The following UBE2F variants were observed in gnomAD, a reference collection of about 807,000 sequenced individuals.
The protein encoded by UBE2F is NEDD8-conjugating enzyme UBE2F.
Under a neutral mutation model 29.6 loss-of-function variants are expected in UBE2F, and 5 were observed. The observed-to-expected ratio is 0.17, with a 90% CI of 0.09 to 0.36. The LOEUF is 0.36. Ranked by LOEUF, UBE2F falls within the 10% of genes least tolerant of loss-of-function variation. UBE2F has a pLI of 1.00. For missense variants in UBE2F, 141 were observed against 228.5 expected, an observed-to-expected ratio of 0.62 and a Z score of 2.47; for synonymous variants, 66 against 81.8, an observed-to-expected ratio of 0.81 and a Z score of 1.04.
At chr2:237,984,339 C>T (rs2063437853) in intron 2 of UBE2F, among the ~76,000 whole-genome samples, 1 of 152,220 alleles carries the variant, frequency 6.6e-6, no homozygotes, top group Admixed American at 6.5e-5. Flanking sequence ...GTTCAGAAAT[C>T]TCCAATGGCT....
intron 9 of UBE2F, among the ~76,000 whole-genome samples, chr2:238,039,681 G>C (rs2064797247): frequency 6.6e-6 from 1 of 152,210 alleles, no homozygotes; most frequent in Admixed American, 6.5e-5. Flanking sequence ...CCTGTGCTTT[G>C]TGTCCCTTGC....
chr2:238,006,860 A>G (rs2063919875), intron 4 of UBE2F, among the ~76,000 whole-genome samples: 1 of 150,730 alleles, frequency 6.6e-6, no homozygotes, highest in Non-Finnish European at 1.5e-5. Context: ...GGTTCAAGCA[A>G]TTCTCTTGCC....
chr2:238,020,447 A>T (rs2064265901), intron 5 of UBE2F, among the ~76,000 whole-genome samples: 1 of 152,122 alleles, frequency 6.6e-6, no homozygotes, highest in African/African-American at 2.4e-5. Flanking sequence ...GAGCCTAGGG[A>T]TGGGCTGGGG....
intron 5 of UBE2F, 147 bp from the exon 6 acceptor site, chr2:238,025,195 G>A: frequency 1.5e-6 from 1 of 681,624 alleles, no homozygotes; most frequent in Non-Finnish European, 2.6e-6. Context: ...CAGTATTCAG[G>A]GTTGAACACG....
chr2:237,974,501 G>GTTTTTTTT (rs370519965), intron 2 of UBE2F, among the ~76,000 whole-genome samples: 2 of 108,582 alleles, frequency 1.8e-5, no homozygotes, highest in African/African-American at 3.8e-5. Flanking sequence ...AATTTTTGTG[G>GTTTTTTTT]TTTTTTTTTT....
chr2:238,035,847 A>G, intron 8 of UBE2F, 31 bp from the exon 9 acceptor site: 3 of 1,577,118 alleles, frequency 1.9e-6, no homozygotes, highest in Non-Finnish European at 1.7e-6. Context: ...CAGTTCTCCC[A>G]ATGTTTACTT....
intron 5 of UBE2F, among the ~76,000 whole-genome samples, chr2:238,024,858 A>G (rs2064379442): frequency 6.6e-6 from 1 of 152,234 alleles, no homozygotes; most frequent in Non-Finnish European, 1.5e-5. Context: ...CATCTTCAGA[A>G]AAATCCAGCA....
rs1249260324 is a variant in UBE2F, at chr2:237,967,607, G to C, written c.-17+475G>C. Among the ~76,000 whole-genome samples the C allele has an allele frequency of 6.6e-6, 1 of 152,188 alleles. No individual in the cohort carries two copies. Among genetic ancestry groups the C allele is most frequent in the Admixed American group, 6.5e-5 (1 of 15,292 alleles). ...AACCGGGACTGGACTCCCGATCGGG[G>C]CAGGAGTCGCGCTAGGCCGTGAGGA... On this transcript the variant is annotated intron_variant, in intron 1 of 9. Transcript: ENST00000272930. The surrounding 1 kb of genome is among the most constrained non-coding windows in gnomAD (Gnocchi z 6.3).
chr2:237,981,261 C>T (rs2063370669), intron 2 of UBE2F, among the ~76,000 whole-genome samples: 1 of 152,168 alleles, frequency 6.6e-6, no homozygotes, highest in Admixed American at 6.5e-5. Flanking sequence ...TGCACCTTGA[C>T]TCTAAGGTGA....
At chr2:238,026,083 T>G (rs2064420524) in intron 6 of UBE2F, among the ~76,000 whole-genome samples, 1 of 152,198 alleles carries the variant, frequency 6.6e-6, no homozygotes, top group Non-Finnish European at 1.5e-5. Context: ...TTTCATCACT[T>G]TAAGGCAGCA....
At position 238,010,803 on chromosome 2, in the gene UBE2F, A is replaced by G. The variant is rs573485475; in HGVS notation, c.215-5763A>G. Reference sequence around the variant, plus strand: ...GAATGATCTGTCAGCTGCCCACTCAACACCTCCACTGGGATGCCAACTTGA... The same window carrying G: ...GAATGATCTGTCAGCTGCCCACTCAGCACCTCCACTGGGATGCCAACTTGA... On this transcript the variant is annotated intron_variant, in intron 4 of 9. Coordinates refer to ENST00000272930, the MANE Select transcript of UBE2F (RefSeq NM_080678.3). Among the ~76,000 whole-genome samples the G allele has an allele frequency of 2.6e-4, 40 of 152,138 alleles. 2 individuals are homozygous for G. In the South Asian group the frequency reaches 7.5e-3, roughly 28 times the overall value.
chr2:238,005,493 G>A (rs1330615860), intron 4 of UBE2F, among the ~76,000 whole-genome samples: 2 of 152,100 alleles, frequency 1.3e-5, no homozygotes, highest in African/African-American at 4.8e-5. Flanking sequence ...ACCATGCCCG[G>A]CCTTATTTTT....
At chr2:237,992,011 T>C (rs1477508012) in intron 3 of UBE2F, among the ~76,000 whole-genome samples, 2 of 151,994 alleles carry the variant, frequency 1.3e-5, no homozygotes, top group African/African-American at 2.4e-5. Context: ...ATTACAGGCA[T>C]GCGCCATTAC....
At chr2:237,979,433 A>G (rs955571448) in intron 2 of UBE2F, among the ~76,000 whole-genome samples, 3 of 152,150 alleles carry the variant, frequency 2.0e-5, no homozygotes, top group South Asian at 2.1e-4. Context: ...TGGGGGAGAA[A>G]GAGAAGCATT....
intron 5 of UBE2F, 34 bp from the exon 6 acceptor site, chr2:238,025,308 C>G: frequency 1.9e-6 from 3 of 1,584,862 alleles, no homozygotes; most frequent in East Asian, 2.2e-5. Context: ...CAGAGACTGT[C>G]GGCGTGATCT....
At chr2:238,030,892 C>G (rs1232112781) in intron 7 of UBE2F, among the ~76,000 whole-genome samples, 1 of 152,212 alleles carries the variant, frequency 6.6e-6, no homozygotes, top group African/African-American at 2.4e-5. Flanking sequence ...AAACCACCCG[C>G]CACATAGGAA....
intron 2 of UBE2F, among the ~76,000 whole-genome samples, chr2:237,974,626 G>A (rs1324273434): frequency 2.7e-5 from 4 of 147,646 alleles, no homozygotes; most frequent in African/African-American, 5.0e-5. Flanking sequence ...TGATTCTCCC[G>A]CCTCAGCCTC....
At chr2:237,993,928 T>C (rs1488980894) in intron 3 of UBE2F, among the ~76,000 whole-genome samples, 1 of 152,088 alleles carries the variant, frequency 6.6e-6, no homozygotes, top group Non-Finnish European at 1.5e-5. Flanking sequence ...AGGCCTCTTA[T>C]GATTTGGACC....
rs376028989 is a variant in UBE2F at position 238,000,798 on chromosome 2, A to G, written c.214+5989A>G. Among the ~76,000 whole-genome samples the G allele has an allele frequency of 2.6e-3, 401 of 152,272 alleles. 1 individual carries two copies. Among genetic ancestry groups the G allele is most frequent in the Non-Finnish European group, 4.9e-3 (331 of 68,014 alleles). On this transcript the variant is annotated intron_variant, in intron 4 of 9. Coordinates refer to ENST00000272930, the MANE Select transcript of UBE2F (RefSeq NM_080678.3). The stretch of plus-strand genomic sequence containing the variant: ...AATGAATGAGAATTCCAGTTTCTCT[A>G]TATTCTTACTGACAACTGGTATTGT...
Sources: gnomAD v4.1 joint callset for allele counts (sites outside exome capture counted in the v4.1 genomes callset) on GRCh38, gnomAD v4.1.1 for gene constraint, Gnocchi (gnomAD v3.1) non-coding constraint, MANE v1.5 for transcripts, NCBI Gene and HGNC (gene_info 2026-07-23, HGNC 2026-07-21) for gene names.